The following SLC22A3 variants were observed in gnomAD, a reference collection of about 807,000 sequenced individuals.
The protein encoded by SLC22A3 is EMT organic cation transporter 3.
A neutral mutation model predicts 59.1 loss-of-function variants in SLC22A3; 51 were observed. The ratio of observed to expected loss-of-function variants is 0.86; its 90% confidence interval spans 0.69 to 1.09. The LOEUF (loss-of-function observed/expected upper bound fraction) is 1.09, where lower values mean the gene tolerates loss of function less well. SLC22A3 is among the 50% of genes least tolerant of loss of function. The pLI, the probability that SLC22A3 is intolerant of heterozygous loss-of-function variation, is 0.00. For missense variants in SLC22A3, 711 were observed against 726.3 expected, an observed-to-expected ratio of 0.98 and a Z score of 0.24; for synonymous variants, 325 against 292.0, an observed-to-expected ratio of 1.11 and a Z score of -1.15.
chr6:160,356,449 A>G (rs920576208), intron 1 of SLC22A3, among the ~76,000 whole-genome samples: 1 of 152,234 alleles, frequency 6.6e-6, no homozygotes, highest in Non-Finnish European at 1.5e-5. Context: ...GCTGACGTCC[A>G]TTGTGCAGAA....
chr6:160,348,757 C>T lies in SLC22A3; in HGVS notation c.338C>T (p.Pro113Leu). The stretch of plus-strand genomic sequence containing the variant: ...ACTAGCGCTCTCAGCTGCGCGGACC[C>T]ACTCGCCGCCTTCCCCAACCGCTCG... ...SATSALSCAD[P>L]LAAFPNRSAP... Residue 113 changes from proline to leucine, a missense_variant, in exon 1 of 11, where the codon CCA becomes CTA. By Grantham distance (98) the Pro-to-Leu change is moderately conservative. Coordinates refer to ENST00000275300, the MANE Select transcript of SLC22A3 (RefSeq NM_021977.4). The T allele has an allele frequency of 5.2e-6, 8 of 1,541,586 alleles. No individual in the cohort carries two copies. Among genetic ancestry groups the T allele is most frequent in the Non-Finnish European group, 7.0e-6 (8 of 1,149,868 alleles).
intron 7 of SLC22A3, 74 bp from the exon 8 acceptor site, chr6:160,442,687 C>A (rs1219393047): frequency 3.5e-6 from 4 of 1,145,378 alleles, no homozygotes; most frequent in African/African-American, 1.5e-5. Flanking sequence ...TAAGCAAATA[C>A]TTTTTGTTGT....
chr6:160,401,135 A>G (rs921623550), intron 2 of SLC22A3, among the ~76,000 whole-genome samples: 1 of 152,020 alleles, frequency 6.6e-6, no homozygotes, highest in South Asian at 2.1e-4. Context: ...CGAGAAATAG[A>G]AAAAATATTT....
chr6:160,360,467 G>GAT (rs927779592), intron 1 of SLC22A3, among the ~76,000 whole-genome samples: 2 of 152,224 alleles, frequency 1.3e-5, no homozygotes, highest in African/African-American at 4.8e-5. Flanking sequence ...TTAAAAAAAG[G>GAT]ATATATACAA....
intron 1 of SLC22A3, among the ~76,000 whole-genome samples, chr6:160,384,925 C>T (rs1441330414): frequency 2.6e-5 from 4 of 152,224 alleles, no homozygotes; most frequent in African/African-American, 9.6e-5. Flanking sequence ...TCACAGTCTC[C>T]TCCTCTGTGG....
chr6:160,379,576 T>C (rs578247136), intron 1 of SLC22A3, among the ~76,000 whole-genome samples: 3 of 152,370 alleles, frequency 2.0e-5, no homozygotes, highest in Admixed American at 1.3e-4. Flanking sequence ...TGTTTAGTTT[T>C]GCTTTTTAGT....
In SLC22A3 at chr6:160,386,692, C is replaced by A. The variant is rs186602197; in HGVS notation, c.430-11287C>A. 4.6e-3 allele frequency among the ~76,000 whole-genome samples: 708 copies of A among 152,348 alleles called. 3 individuals carry two copies. The highest frequency in any genetic ancestry group is 0.016 in the African/African-American group (683 of 41,580). On this transcript the variant is annotated intron_variant, in intron 1 of 10. Coordinates refer to ENST00000275300, the MANE Select transcript of SLC22A3 (RefSeq NM_021977.4). Reference sequence around the variant, plus strand: ...CAGCTGCTGCCACCAGCAGCACAGACATCTTCCAAGGGCTGGCAGAGCCAG... The same window carrying A: ...CAGCTGCTGCCACCAGCAGCACAGAAATCTTCCAAGGGCTGGCAGAGCCAG...
At chr6:160,388,132 C>T (rs1786096499) in intron 1 of SLC22A3, among the ~76,000 whole-genome samples, 2 of 152,142 alleles carry the variant, frequency 1.3e-5, no homozygotes, top group African/African-American at 2.4e-5. Context: ...ACCTACAGCA[C>T]CATGTGATCA....
At chr6:160,448,396 GATAATC>G (rs1788824595) in intron 10 of SLC22A3, among the ~76,000 whole-genome samples, 1 of 152,026 alleles carries the variant, frequency 6.6e-6, no homozygotes, top group Non-Finnish European at 1.5e-5. Context: ...TATAATAGAT[GATAATC>G]ATAGATAGAT....
chr6:160,402,196 C>G (rs1786811513), intron 2 of SLC22A3, among the ~76,000 whole-genome samples: 2 of 151,874 alleles, frequency 1.3e-5, no homozygotes, highest in Non-Finnish European at 2.9e-5. Flanking sequence ...ATGGAGAAAA[C>G]TATACCATGA....
At chr6:160,397,922 T>G in intron 1 of SLC22A3, 57 bp from the exon 2 acceptor site, 1 of 1,241,052 alleles carries the variant, frequency 8.1e-7, no homozygotes, top group Non-Finnish European at 1.2e-6. Context: ...AAAGATAAGG[T>G]GTTTTGAAGA....
At chr6:160,356,258 G>A (rs1051978880) in intron 1 of SLC22A3, among the ~76,000 whole-genome samples, 3 of 152,048 alleles carry the variant, frequency 2.0e-5, no homozygotes, top group Non-Finnish European at 2.9e-5. Flanking sequence ...AACAATCATC[G>A]GCGGCCATGG....
chr6:160,383,543 C>CT (rs34587497), intron 1 of SLC22A3, among the ~76,000 whole-genome samples: 1 of 151,532 alleles, frequency 6.6e-6, no homozygotes, highest in Admixed American at 6.6e-5. Context: ...CATAGAATTT[C>CT]TTTTTTTTTC....
At chr6:160,429,551 G>C (rs1425040985) in intron 5 of SLC22A3, among the ~76,000 whole-genome samples, 1 of 152,102 alleles carries the variant, frequency 6.6e-6, no homozygotes, top group Non-Finnish European at 1.5e-5. Context: ...CGATGAGGTG[G>C]GATTGCTGTT....
intron 7 of SLC22A3, among the ~76,000 whole-genome samples, chr6:160,440,564 T>C (rs1464440724): frequency 6.6e-6 from 1 of 152,240 alleles, no homozygotes; most frequent in Non-Finnish European, 1.5e-5. Flanking sequence ...GTTTCAGTAC[T>C]CATTTTTAAA....
intron 1 of SLC22A3, among the ~76,000 whole-genome samples, chr6:160,371,794 CA>C: frequency 6.6e-6 from 1 of 152,208 alleles, no homozygotes; most frequent in Non-Finnish European, 1.5e-5. Context: ...ATCCCACCAA[CA>C]GTGTAAATGC....
At chr6:160,394,888 G>A (rs1786409672) in intron 1 of SLC22A3, among the ~76,000 whole-genome samples, 1 of 152,188 alleles carries the variant, frequency 6.6e-6, no homozygotes, top group African/African-American at 2.4e-5. Flanking sequence ...AGCCACCACT[G>A]TCAGGATTGG....
At chr6:160,429,422 T>A (rs1354456620) in intron 5 of SLC22A3, among the ~76,000 whole-genome samples, 11 of 152,086 alleles carry the variant, frequency 7.2e-5, no homozygotes, top group Admixed American at 7.2e-4. Flanking sequence ...ACTAACACCA[T>A]CCCCTTCCCC....
At chr6:160,450,633 T>G (rs2114935898) in intron 10 of SLC22A3, among the ~76,000 whole-genome samples, 1 of 152,250 alleles carries the variant, frequency 6.6e-6, no homozygotes, top group South Asian at 2.1e-4. Flanking sequence ...AATGTCCATA[T>G]TAAAATGAAA....
Sources: gnomAD v4.1 joint callset for allele counts (sites outside exome capture counted in the v4.1 genomes callset) on GRCh38, gnomAD v4.1.1 for gene constraint, MANE v1.5 for transcripts, NCBI Gene and HGNC (gene_info 2026-07-23, HGNC 2026-07-21) for gene names.